The following ZNF469 variants were observed in gnomAD, a reference collection of about 807,000 sequenced individuals.
The protein encoded by ZNF469 is zinc finger protein 469.
Under a neutral mutation model 1.0 loss-of-function variants are expected in ZNF469, and 1 was observed. That is an observed-to-expected ratio of 1.00 (90% CI 0.35 to 4.73). The LOEUF (loss-of-function observed/expected upper bound fraction) is 4.73, where lower values mean the gene tolerates loss of function less well. Ranked by LOEUF, ZNF469 falls within the 30% of genes most tolerant of loss-of-function variation. The pLI, the probability that ZNF469 is intolerant of heterozygous loss-of-function variation, is 0.16. For missense variants in ZNF469, 6,100 were observed against 5,356.3 expected (o/e 1.14, Z -4.33); for synonymous variants, 2,703 against 2,363.4 (o/e 1.14, Z -4.17).
the ZNF469 span, among the ~76,000 whole-genome samples, chr16:88,202,267 AT>A: frequency 6.6e-6 from 1 of 152,190 alleles, no homozygotes; most frequent in Non-Finnish European, 1.5e-5. Flanking sequence ...CCAACCGTGC[AT>A]TTTCCACATA....
At chr16:88,343,522 G>A in the ZNF469 span, among the ~76,000 whole-genome samples, 1 of 152,180 alleles carries the variant, frequency 6.6e-6, no homozygotes, top group African/African-American at 2.4e-5. Context: ...CTGAGCCTGG[G>A]TAGTTTATAA....
At chr16:88,212,172 T>G in the ZNF469 span, among the ~76,000 whole-genome samples, 1 of 152,214 alleles carries the variant, frequency 6.6e-6, no homozygotes, top group African/African-American at 2.4e-5. Flanking sequence ...GAGGATTTCT[T>G]TCTTTATATG....
chr16:88,123,372 G>T, the ZNF469 span, among the ~76,000 whole-genome samples: 1 of 152,162 alleles, frequency 6.6e-6, no homozygotes, highest in African/African-American at 2.4e-5. Context: ...CTTCATTTTT[G>T]GATATACTGC....
At chr16:88,294,828 G>C in the ZNF469 span, 1 of 152,498 alleles carries the variant, frequency 6.6e-6, no homozygotes, top group African/African-American at 2.4e-5. Context: ...AGAAGACCGG[G>C]ATGAGTTTTT....
At chr16:88,130,530 A>G in the ZNF469 span, among the ~76,000 whole-genome samples, 5 of 151,876 alleles carry the variant, frequency 3.3e-5, no homozygotes, top group African/African-American at 1.2e-4. Flanking sequence ...ATATGGTGAA[A>G]CCCCGTCTCT....
chr16:88,385,794 C>G (rs1380235414), intron 1 of ZNF469, among the ~76,000 whole-genome samples: 1 of 152,174 alleles, frequency 6.6e-6, no homozygotes, highest in South Asian at 2.1e-4. Flanking sequence ...GACCAAACCC[C>G]TCTGGGACTT....
chr16:88,152,979 C>T, the ZNF469 span, among the ~76,000 whole-genome samples: 4 of 152,212 alleles, frequency 2.6e-5, no homozygotes, highest in Non-Finnish European at 4.4e-5. This position sits in a 1 kb window ranked among gnomAD's most constrained non-coding sequence, Gnocchi z 4.2. Context: ...CGGGGCATGC[C>T]CCCAGCACCG....
chr16:88,279,125 G>T, the ZNF469 span, among the ~76,000 whole-genome samples: 1 of 42,270 alleles, frequency 2.4e-5, no homozygotes, highest in African/African-American at 1.0e-4. Context: ...ATCACTGCAC[G>T]GTTAGTGCTG....
In ZNF469 at chr16:88,424,245, G is replaced by A. The variant is rs918202987; in HGVS notation, c.-191-562G>A. On this transcript the variant is annotated intron_variant, in intron 1 of 2. Coordinates refer to ENST00000565624, the MANE Select transcript of ZNF469 (RefSeq NM_001367624.2). This position sits in a 1 kb window ranked among gnomAD's most constrained non-coding sequence, Gnocchi z 4.3. ...GAAACCTCTTCACGGAATGTTGTGG[G>A]ATTATCTACAGGATATGTTGTTACA... 6.6e-6 allele frequency among the ~76,000 whole-genome samples: 1 copy of A among 152,190 alleles called. No homozygotes were observed. The highest frequency in any genetic ancestry group is 1.5e-5 in the Non-Finnish European group (1 of 68,026).
At chr16:88,235,687 C>T in the ZNF469 span, among the ~76,000 whole-genome samples, 120 of 152,014 alleles carry the variant, frequency 7.9e-4, no homozygotes, top group African/African-American at 2.8e-3. Flanking sequence ...GACACCAAAC[C>T]GTGGTTCCCC....
At chr16:88,330,703 G>C in the ZNF469 span, among the ~76,000 whole-genome samples, 5 of 152,188 alleles carry the variant, frequency 3.3e-5, no homozygotes, top group African/African-American at 1.2e-4. Context: ...AGGGAAAGGA[G>C]AAGTTTTCTC....
the ZNF469 span, among the ~76,000 whole-genome samples, chr16:88,289,213 G>C: frequency 7.6e-6 from 1 of 131,086 alleles, no homozygotes; most frequent in African/African-American, 3.4e-5. Flanking sequence ...GGTGATGGTG[G>C]TGATGATGAG....
intron 1 of ZNF469, among the ~76,000 whole-genome samples, chr16:88,417,793 C>T (rs1018641750): frequency 1.3e-4 from 20 of 152,344 alleles, no homozygotes; most frequent in African/African-American, 4.6e-4. Flanking sequence ...CTCAGAGTCT[C>T]CTATAGAAAT....
At chr16:88,174,573 G>A in the ZNF469 span, among the ~76,000 whole-genome samples, 32 of 145,260 alleles carry the variant, frequency 2.2e-4, no homozygotes, top group African/African-American at 8.3e-4. Flanking sequence ...CCACTTATAG[G>A]TGGATTTCCT....
Position 88,439,032 on chromosome 16 carries a change from C to G in ZNF469, c.11562C>G (p.Pro3854=), listed in dbSNP as rs1906813413. The G allele has an allele frequency of 6.5e-7, 1 of 1,550,376 alleles. No homozygotes were observed. The highest frequency in any genetic ancestry group is 8.7e-7 in the Non-Finnish European group (1 of 1,146,978). Reference sequence around the variant, plus strand: ...GGACCCCTCGGAAGCAGGCAACTCCCAGCCGCGTGCTCCCGACCAAGCCCA... The same window carrying G: ...GGACCCCTCGGAAGCAGGCAACTCCGAGCCGCGTGCTCCCGACCAAGCCCA... ...PPRTPRKQAT[P]SRVLPTKPKP... is the part of the protein sequence containing the mutation. The change falls in exon 3 of 3, where the codon CCC becomes CCG. Residue 3854 remains proline, a synonymous_variant. Transcript: ENST00000565624.
chr16:88,154,636 C>T, the ZNF469 span, among the ~76,000 whole-genome samples: 3 of 152,238 alleles, frequency 2.0e-5, no homozygotes, highest in African/African-American at 7.2e-5. Flanking sequence ...GAGAGAAGGG[C>T]TGGCTGCTCA....
At chr16:88,245,053 G>C in the ZNF469 span, among the ~76,000 whole-genome samples, 1 of 152,032 alleles carries the variant, frequency 6.6e-6, no homozygotes, top group East Asian at 1.9e-4. Context: ...CACACCCGTA[G>C]GGCAAAGGAA....
chr16:88,380,319 T>C (rs1401021384), upstream of ZNF469, among the ~76,000 whole-genome samples: 4 of 67,338 alleles, frequency 5.9e-5, no homozygotes, highest in Non-Finnish European at 1.0e-4. Flanking sequence ...AGACATGCAC[T>C]CACACATGCA....
the ZNF469 span, among the ~76,000 whole-genome samples, chr16:88,351,685 A>T: frequency 6.6e-6 from 1 of 152,096 alleles, no homozygotes; most frequent in South Asian, 2.1e-4. Flanking sequence ...CCCTCTGTGG[A>T]GGCCCCCACC....
Sources: allele counts gnomAD v4.1 joint callset (sites outside exome capture counted in the v4.1 genomes callset), GRCh38; gene constraint gnomAD v4.1.1; non-coding constraint Gnocchi (gnomAD v3.1); transcripts MANE v1.5; gene names NCBI Gene and HGNC (gene_info 2026-07-23, HGNC 2026-07-21).